ANO3: variants seen among roughly 807,000 people sequenced by gnomAD.
ANO3 encodes the protein anoctamin-3.
A neutral mutation model predicts 144.8 loss-of-function variants in ANO3; 99 were observed. That is an observed-to-expected ratio of 0.68 (90% CI 0.58 to 0.81). The LOEUF (loss-of-function observed/expected upper bound fraction) is 0.81, where lower values mean the gene tolerates loss of function less well. Among genes scored for constraint, ANO3 ranks in the 30% least tolerant of loss-of-function variants. The pLI is 0.00. For synonymous variants in ANO3, 414 were observed against 392.6 expected (o/e 1.05, Z -0.64); for missense variants, 905 against 1,202.2 (o/e 0.75, Z 3.66).
intron 1 of ANO3, among the ~76,000 whole-genome samples, chr11:26,245,468 T>C (rs374511027): frequency 6.6e-6 from 1 of 152,188 alleles, no homozygotes; most frequent in Admixed American, 6.5e-5. Flanking sequence ...CCTTCCTGTT[T>C]CTTAGATTAC....
chr11:26,626,144 A>G (rs2133015205), intron 18 of ANO3, among the ~76,000 whole-genome samples: 1 of 152,324 alleles, frequency 6.6e-6, no homozygotes. Context: ...ACTCTAGAAT[A>G]ATTTTGAATC....
At chr11:26,549,415 GTTATC>G (rs1217095778) in intron 12 of ANO3, among the ~76,000 whole-genome samples, 1 of 151,944 alleles carries the variant, frequency 6.6e-6, no homozygotes, top group African/African-American at 2.4e-5. Context: ...AGTTGTAGGT[GTTATC>G]ATGGTGGGTG....
intron 17 of ANO3, among the ~76,000 whole-genome samples, chr11:26,606,292 C>A (rs1014345933): frequency 2.0e-5 from 3 of 152,120 alleles, no homozygotes; most frequent in African/African-American, 7.2e-5. Context: ...GTCTGAGAGA[C>A]TGTTTGTTAT....
At chr11:26,327,536 C>G (rs995604184), upstream of ANO3, among the ~76,000 whole-genome samples, 2 of 151,952 alleles carry the variant, frequency 1.3e-5, no homozygotes, top group African/African-American at 4.8e-5. Context: ...AAAAGCAGAC[C>G]AATAAGGAAG....
intron 1 of ANO3, among the ~76,000 whole-genome samples, chr11:26,401,813 C>G (rs1286703406): frequency 6.6e-6 from 1 of 151,978 alleles, no homozygotes; most frequent in Non-Finnish European, 1.5e-5. Flanking sequence ...GGAGACGGAG[C>G]TTTCATTGAG....
chr11:26,191,972 T>C (rs1590185022), intron 1 of ANO3, among the ~76,000 whole-genome samples: 1 of 152,336 alleles, frequency 6.6e-6, no homozygotes, highest in South Asian at 2.1e-4. Flanking sequence ...TTGTGGCTTA[T>C]GCATGATACA....
chr11:26,559,724 A>G lies in ANO3; in HGVS notation c.1392A>G (p.Thr464=), dbSNP rs778610252. The G allele has an allele frequency of 4.3e-6, 7 of 1,611,054 alleles. No homozygotes were observed. Among genetic ancestry groups the G allele is most frequent in the Non-Finnish European group, 5.1e-6 (6 of 1,177,650 alleles). Residue 464 remains threonine, a synonymous_variant, in exon 14 of 27, where the codon ACA becomes ACG. Coordinates refer to ENST00000256737, the MANE Select transcript of ANO3 (RefSeq NM_031418.4). ...LNDSCIYAKV[T]YLFDNGGTVF... The stretch of plus-strand genomic sequence containing the variant: ...TCTGTTTGTTTTCTACTCAGGTGAC[A>G]TATTTGTTCGATAATGGAGGGACAG...
chr11:26,413,999 T>C (rs1857502420), intron 1 of ANO3, among the ~76,000 whole-genome samples: 1 of 152,084 alleles, frequency 6.6e-6, no homozygotes, highest in African/African-American at 2.4e-5. Flanking sequence ...AACTATAAAA[T>C]ATTACAATCT....
intron 18 of ANO3, among the ~76,000 whole-genome samples, chr11:26,631,298 C>T (rs1252354065): frequency 3.3e-5 from 5 of 151,560 alleles, no homozygotes; most frequent in Non-Finnish European, 5.9e-5. Flanking sequence ...TATTTTTGTT[C>T]TTTCATTTTA....
intron 4 of ANO3, among the ~76,000 whole-genome samples, chr11:26,467,017 A>G (rs1195224123): frequency 6.6e-6 from 1 of 151,928 alleles, no homozygotes; most frequent in Non-Finnish European, 1.5e-5. Flanking sequence ...ACTTTCTAAA[A>G]TTGTTTTTTT....
At chr11:26,237,665 G>A (rs1006764620) in intron 1 of ANO3, among the ~76,000 whole-genome samples, 4 of 151,902 alleles carry the variant, frequency 2.6e-5, no homozygotes, top group Admixed American at 1.3e-4. Context: ...TGGAAGTGAA[G>A]AACATTATTC....
At chr11:26,218,713 G>A (rs1391527042) in intron 1 of ANO3, among the ~76,000 whole-genome samples, 1 of 152,080 alleles carries the variant, frequency 6.6e-6, no homozygotes, top group Non-Finnish European at 1.5e-5. Context: ...GAAGCAAGTG[G>A]AGCTCCAGGC....
chr11:26,271,228 C>T (rs1488273762), intron 1 of ANO3, among the ~76,000 whole-genome samples: 1 of 152,138 alleles, frequency 6.6e-6, no homozygotes, highest in East Asian at 1.9e-4. Flanking sequence ...AAATGTGTTG[C>T]GTAAGTAGAA....
At chr11:26,350,671 A>C (rs569736373) in intron 1 of ANO3, among the ~76,000 whole-genome samples, 24 of 152,284 alleles carry the variant, frequency 1.6e-4, no homozygotes, top group Admixed American at 1.1e-3. Context: ...TGCAAAGAGT[A>C]CAACGTTGTG....
intron 24 of ANO3, among the ~76,000 whole-genome samples, chr11:26,651,889 A>G (rs1399953772): frequency 6.6e-6 from 1 of 152,212 alleles, no homozygotes. Flanking sequence ...TGTTGTAAAA[A>G]TTAATTTTAA....
At position 26,191,439 on chromosome 11, in the gene ANO3, C is replaced by T. The variant is rs1184403526; in HGVS notation, c.154+2109C>T. On this transcript the variant is annotated intron_variant, in intron 1 of 27. Transcript: ENST00000672621. The stretch of plus-strand genomic sequence containing the variant: ...TCTTCATTTCCCTCAATGCAGACAC[C>T]TGTATCGACTCCTAACTGATCTCAC... Among the ~76,000 whole-genome samples, 3 of 152,032 alleles carry T rather than the reference C, an allele frequency of 2.0e-5. No individual in the cohort carries two copies. The South Asian group carries it at 6.2e-4, about 32-fold the overall frequency.
chr11:26,656,521 G>A (rs1281660343), intron 26 of ANO3, 40 bp downstream of exon 26: 1 of 1,283,868 alleles, frequency 7.8e-7, no homozygotes, highest in Non-Finnish European at 1.1e-6. Context: ...ATAGATAAAT[G>A]CTTTTCTAAA....
At chr11:26,356,987 T>A (rs571550300) in intron 1 of ANO3, among the ~76,000 whole-genome samples, 1 of 152,324 alleles carries the variant, frequency 6.6e-6, no homozygotes, top group African/African-American at 2.4e-5. Context: ...AGTCTCCCCA[T>A]CTCAAGAGCC....
chr11:26,262,251 T>A (rs1366381582), intron 1 of ANO3, among the ~76,000 whole-genome samples: 1 of 152,228 alleles, frequency 6.6e-6, no homozygotes, highest in Non-Finnish European at 1.5e-5. Flanking sequence ...ACTTCTATTT[T>A]TATCTATGTA....
Sources: allele counts gnomAD v4.1 joint callset (sites outside exome capture counted in the v4.1 genomes callset), GRCh38; gene constraint gnomAD v4.1.1; transcripts MANE v1.5; gene names NCBI Gene and HGNC (gene_info 2026-07-23, HGNC 2026-07-21).